The following TSTD2 variants were observed in gnomAD, a reference collection of about 807,000 sequenced individuals.
TSTD2 encodes thiosulfate sulfurtransferase/rhodanese-like domain-containing protein 2.
A neutral mutation model predicts 47.9 loss-of-function variants in TSTD2; 37 were observed. That is an observed-to-expected ratio of 0.77 (90% CI 0.59 to 1.02). The LOEUF (loss-of-function observed/expected upper bound fraction) is 1.02. Ranked by LOEUF, TSTD2 falls within the 50% of genes least tolerant of loss-of-function variation. The pLI is 0.00. For missense variants in TSTD2, 586 were observed against 616.0 expected (o/e 0.95, Z 0.52); for synonymous variants, 201 against 215.9 (o/e 0.93, Z 0.61).
At chr9:97,613,960 C>T (rs1255626349) in intron 4 of TSTD2, among the ~76,000 whole-genome samples, 3 of 152,046 alleles carry the variant, frequency 2.0e-5, no homozygotes, top group Admixed American at 6.6e-5. Flanking sequence ...TCCCAAGTAG[C>T]TGGGACTACA....
intron 4 of TSTD2, among the ~76,000 whole-genome samples, chr9:97,615,661 A>C (rs76036212): frequency 6.6e-6 from 1 of 152,358 alleles, no homozygotes; most frequent in African/African-American, 2.4e-5. Flanking sequence ...ATTTATATCC[A>C]AGATCTAGGC....
intron 9 of TSTD2, chr9:97,604,484 T>G (rs1023369079): frequency 2.8e-5 from 13 of 468,518 alleles, no homozygotes; most frequent in African/African-American, 2.4e-4. Context: ...ATGATCCCCA[T>G]GTTAATGGGC....
intron 1 of TSTD2, among the ~76,000 whole-genome samples, 155 bp from the exon 2 acceptor site, chr9:97,627,767 C>T (rs1587984901): frequency 6.6e-6 from 1 of 152,186 alleles, no homozygotes; most frequent in Non-Finnish European, 1.5e-5. Flanking sequence ...AGGAACGACT[C>T]GAAGTCAAGC....
chr9:97,602,765 ACT>A lies in TSTD2; in HGVS notation c.1253_1254del (p.Glu418ValfsTer12), dbSNP rs745960515. The A allele has an allele frequency of 4.7e-5, 75 of 1,602,544 alleles. No individual in the cohort carries two copies. The highest frequency in any genetic ancestry group is 1.1e-4 in the East Asian group (5 of 44,638). On this transcript the variant is annotated frameshift_variant and splice_region_variant, in exon 10 of 10. Coordinates refer to ENST00000341170, the MANE Select transcript of TSTD2 (RefSeq NM_139246.5). LOFTEE classifies it low-confidence loss of function (END_TRUNC). ...ALSYNSDVVS[E>X]CSYCGARWDQ... ...TCCCAGCGGGCTCCACAGTATGAACACTCTGGGGAGGAAGGAAAAGCCATCAT... is the reference window on the plus strand; with the variant it reads ...TCCCAGCGGGCTCCACAGTATGAACACTGGGGAGGAAGGAAAAGCCATCAT...
At chr9:97,632,549 A>ATT (rs36004486) in intron 1 of TSTD2, among the ~76,000 whole-genome samples, 9,897 of 147,212 alleles carry the variant, frequency 0.067, 1,064 homozygotes, top group African/African-American at 0.23. Context: ...GGCTCAGCTA[A>ATT]TTTTTTTTTT....
chr9:97,616,862 C>T (rs1282262133), intron 4 of TSTD2, among the ~76,000 whole-genome samples: 1 of 152,222 alleles, frequency 6.6e-6, no homozygotes, highest in Non-Finnish European at 1.5e-5. Context: ...GATAATCCTA[C>T]ATGCCTAGAT....
chr9:97,603,849 C>A (rs1826317458), intron 9 of TSTD2, among the ~76,000 whole-genome samples: 1 of 152,152 alleles, frequency 6.6e-6, no homozygotes, highest in African/African-American at 2.4e-5. Flanking sequence ...CACCACCATG[C>A]TCAGCTAATT....
intron 1 of TSTD2, among the ~76,000 whole-genome samples, chr9:97,631,503 T>G (rs1826810912): frequency 6.6e-6 from 1 of 152,156 alleles, no homozygotes; most frequent in Non-Finnish European, 1.5e-5. Flanking sequence ...TACTATCATT[T>G]GCAGCTAGAA....
In TSTD2 at chr9:97,627,728, T is replaced by C. The variant is rs1826744757; in HGVS notation, c.-50-116A>G. The C allele has an allele frequency of 5.0e-6, 3 of 597,606 alleles. No homozygotes were observed. In the East Asian group the frequency reaches 8.4e-5, roughly 17 times the overall value. 37.0% of individuals were successfully genotyped at this position (597,606 alleles called of 1,614,324 possible). On this transcript the variant is annotated intron_variant, in intron 1 of 9. Transcript: ENST00000341170. ...CAAAGTAGCCCAAGCTAACCATCCA[T>C]TTACTTACTAAATCAATAGTATTTA...
chr9:97,611,597 C>T lies in TSTD2; in HGVS notation c.706G>A (p.Asp236Asn). The T allele has an allele frequency of 1.2e-6, 2 of 1,605,022 alleles. No homozygotes were observed. The highest frequency in any genetic ancestry group is 1.7e-6 in the Non-Finnish European group (2 of 1,172,344). The change falls in exon 5 of 10, where the codon GAC (aspartate) becomes AAC (asparagine). Residue 236 changes from aspartate (D) to asparagine (N), a missense_variant. Coordinates refer to ENST00000341170, the MANE Select transcript of TSTD2 (RefSeq NM_139246.5). Reference sequence around the variant, plus strand: ...ACCTTAAAATCATCTTTACACAGGTCATCCTTAAACAATGGGAAGGAAAGC... The same window carrying T: ...ACCTTAAAATCATCTTTACACAGGTTATCCTTAAACAATGGGAAGGAAAGC... ...VMLSFPLFKD[D>N]LCKDDFKTSK...
chr9:97,602,977 G>T, intron 9 of TSTD2: 1 of 494,390 alleles, frequency 2.0e-6, no homozygotes, highest in Non-Finnish European at 3.6e-6. Context: ...TCTGGTAACT[G>T]TCTGCTTCCA....
At chr9:97,604,449 TAGAC>T (rs1826330040) in intron 9 of TSTD2, 4 of 360,090 alleles carry the variant, frequency 1.1e-5, no homozygotes, top group Non-Finnish European at 2.0e-5. Context: ...TCTTGGCAGG[TAGAC>T]AGGCAGGCAG....
Position 97,601,409 on chromosome 9 carries a change from T to C in TSTD2, c.*1060A>G. ...TGATCTAAAAACTGTGGCTCAAATG[T>C]CACCGAGCTTATATGAAGCTCCCAG... On this transcript the variant is annotated 3_prime_UTR_variant, in exon 10 of 10. Coordinates refer to ENST00000341170, the MANE Select transcript of TSTD2 (RefSeq NM_139246.5). 9.6e-7 allele frequency: 1 copy of C among 1,036,412 alleles called. No homozygotes were observed. 64.2% of individuals were successfully genotyped at this position (1,036,412 alleles called of 1,614,324 possible). A position where few individuals can be genotyped will look rare whatever the true frequency, so the allele number is the denominator to read the frequency against.
chr9:97,620,373 G>A (rs917975622), intron 3 of TSTD2, among the ~76,000 whole-genome samples: 8 of 152,076 alleles, frequency 5.3e-5, no homozygotes, highest in African/African-American at 1.9e-4. Flanking sequence ...TCTTTCTTTT[G>A]TAAATTGCCC....
chr9:97,600,701 G>C lies in TSTD2; in HGVS notation c.*1768C>G. On this transcript the variant is annotated 3_prime_UTR_variant, in exon 10 of 10. Coordinates refer to ENST00000341170, the MANE Select transcript of TSTD2 (RefSeq NM_139246.5). ...TACGCCTGTATATTAAGCCTCCGCAGGATGCCGGACAATGGTGAAGAAACT... is the reference window on the plus strand; with the variant it reads ...TACGCCTGTATATTAAGCCTCCGCACGATGCCGGACAATGGTGAAGAAACT... The C allele has an allele frequency of 1.0e-6, 1 of 1,003,532 alleles. No homozygotes were observed. Among genetic ancestry groups the C allele is most frequent in the South Asian group, 4.2e-5 (1 of 23,814 alleles). The allele number at this position is 1,003,532 out of a possible 1,614,324, so 62.2% of individuals were successfully genotyped here.
intron 5 of TSTD2, chr9:97,611,071 TCAG>T (rs1826449761): frequency 6.5e-6 from 1 of 153,364 alleles, no homozygotes; most frequent in Admixed American, 6.4e-5. Context: ...ATATGGTGAC[TCAG>T]TGAAAGAATG....
At chr9:97,629,860 A>AG (rs1478238335) in intron 1 of TSTD2, among the ~76,000 whole-genome samples, 1 of 152,210 alleles carries the variant, frequency 6.6e-6, no homozygotes, top group African/African-American at 2.4e-5. Flanking sequence ...TACATTTGGG[A>AG]GGTAACATTG....
intron 4 of TSTD2, among the ~76,000 whole-genome samples, chr9:97,616,830 T>A (rs1826550781): frequency 6.6e-6 from 1 of 152,218 alleles, no homozygotes; most frequent in Non-Finnish European, 1.5e-5. Context: ...TCAGAGAATA[T>A]TTTAGGAAAA....
At chr9:97,604,353 T>G (rs1826328373) in intron 9 of TSTD2, 1 of 169,440 alleles carries the variant, frequency 5.9e-6, no homozygotes, top group African/African-American at 2.4e-5. Context: ...AAAGATACAA[T>G]TATTTTTCCA....
Sources: allele counts gnomAD v4.1 joint callset (sites outside exome capture counted in the v4.1 genomes callset), GRCh38; gene constraint gnomAD v4.1.1; transcripts MANE v1.5; gene names NCBI Gene and HGNC (gene_info 2026-07-23, HGNC 2026-07-21).